Variants in DTNA observed in about 807,000 individuals in gnomAD.
DTNA encodes dystrobrevin alpha, also known as dystrophin-related protein 3.
In DTNA, 43 loss-of-function variants were observed where a neutral mutation model predicts 100.7. That is an observed-to-expected ratio of 0.43 (90% CI 0.33 to 0.55). DTNA has a LOEUF of 0.55. Among genes scored for constraint, DTNA ranks in the 20% least tolerant of loss-of-function variants. The pLI, the probability that DTNA is intolerant of heterozygous loss-of-function variation, is 0.04. For synonymous variants in DTNA, 349 were observed against 347.9 expected, an observed-to-expected ratio of 1.00 and a Z score of -0.04; for missense variants, 798 against 953.9, an observed-to-expected ratio of 0.84 and a Z score of 2.15.
At chr18:34,664,894 T>G (rs934831236) in intron 1 of DTNA, among the ~76,000 whole-genome samples, 1 of 152,030 alleles carries the variant, frequency 6.6e-6, no homozygotes, top group Non-Finnish European at 1.5e-5. Flanking sequence ...ATGTAGGATA[T>G]GGGATCCCTT....
At chr18:34,843,992 C>T (rs1356376213) in intron 13 of DTNA, among the ~76,000 whole-genome samples, 1 of 152,076 alleles carries the variant, frequency 6.6e-6, no homozygotes, top group Admixed American at 6.6e-5. Flanking sequence ...CCTGTTAACA[C>T]GACTCCTTTT....
rs1008012369 is a variant in DTNA at position 34,557,462 on chromosome 18, C to A, written c.-2+63948C>A. Among the ~76,000 whole-genome samples, 11 of 152,168 alleles carry A rather than the reference C, an allele frequency of 7.2e-5. No homozygotes were observed. In the East Asian group the frequency reaches 1.5e-3, roughly 21 times the overall value. Reference sequence around the variant, plus strand: ...AGGCGCTCTGCGTTTCAGAGTTTCCCGTTTTTCTGTTCTGTTTTTTCCCCA... The same window carrying A: ...AGGCGCTCTGCGTTTCAGAGTTTCCAGTTTTTCTGTTCTGTTTTTTCCCCA... On this transcript the variant is annotated intron_variant, in intron 1 of 19. Transcript: ENST00000283365.
intron 1 of DTNA, among the ~76,000 whole-genome samples, chr18:34,545,367 T>G (rs1463614698): frequency 2.6e-5 from 4 of 152,212 alleles, no homozygotes; most frequent in Admixed American, 2.0e-4. Context: ...AAATCCAAGT[T>G]TATATTCCTA....
At chr18:34,862,952 A>G (rs2096648126) in intron 16 of DTNA, among the ~76,000 whole-genome samples, 1 of 152,212 alleles carries the variant, frequency 6.6e-6, no homozygotes, top group Non-Finnish European at 1.5e-5. Context: ...TCATAGTTTC[A>G]TTTAATATGC....
chr18:34,628,067 AG>A (rs2057575723), intron 1 of DTNA, among the ~76,000 whole-genome samples: 1 of 152,206 alleles, frequency 6.6e-6, no homozygotes. Context: ...CTGGGATTAC[AG>A]GCATGAGCCA....
At chr18:34,729,001 G>A (rs528870517) in intron 1 of DTNA, among the ~76,000 whole-genome samples, 4 of 152,098 alleles carry the variant, frequency 2.6e-5, no homozygotes, top group African/African-American at 9.6e-5. Context: ...CTCTATGTCT[G>A]AAGGAAAACA....
intron 15 of DTNA, among the ~76,000 whole-genome samples, chr18:34,854,062 C>T (rs868064568): frequency 7.2e-5 from 11 of 151,984 alleles, no homozygotes; most frequent in African/African-American, 1.9e-4. Flanking sequence ...GCAGAGGGCT[C>T]GAAGCAAACA....
chr18:34,828,938 T>C, intron 10 of DTNA: 1 of 1,307,690 alleles, frequency 7.6e-7, no homozygotes, highest in Non-Finnish European at 1.1e-6. Flanking sequence ...AGACCTGATG[T>C]GATGTTTAGA....
At chr18:34,552,319 G>A (rs1433568574) in intron 1 of DTNA, among the ~76,000 whole-genome samples, 2 of 151,836 alleles carry the variant, frequency 1.3e-5, no homozygotes, top group Non-Finnish European at 2.9e-5. Context: ...CTGAGTTATA[G>A]ATCACTATGT....
Position 34,761,236 on chromosome 18 carries a change from G to A in DTNA, c.68-4725G>A, listed in dbSNP as rs189975283. The stretch of plus-strand genomic sequence containing the variant: ...CATCATAGGCTTCATTTTTATTCTG[G>A]AAATATGTATTGAGCAAAACTTTTA... On this transcript the variant is annotated intron_variant, in intron 2 of 22. Coordinates refer to ENST00000444659, the MANE Select transcript of DTNA (RefSeq NM_001386795.1). Among the ~76,000 whole-genome samples, 434 of 151,884 alleles carry A rather than the reference G, an allele frequency of 2.9e-3. 2 individuals carry two copies. Among genetic ancestry groups the A allele is most frequent in the Middle Eastern group, 0.02 (6 of 294 alleles).
chr18:34,890,259 G>A lies in DTNA; in HGVS notation c.*2525G>A. The A allele has an allele frequency of 6.6e-7, 1 of 1,521,140 alleles. No homozygotes were observed. Among genetic ancestry groups the A allele is most frequent in the Non-Finnish European group, 8.8e-7 (1 of 1,138,054 alleles). 94.2% of individuals were successfully genotyped at this position (1,521,140 alleles called of 1,614,324 possible). A position where few individuals can be genotyped will look rare whatever the true frequency, so the allele number is the denominator to read the frequency against. On this transcript the variant is annotated 3_prime_UTR_variant, in exon 23 of 23. Transcript: ENST00000444659. Reference sequence around the variant, plus strand: ...AAGGACTCTGGAAACTGCCGCCAATGACCAATTTCTGACTAACCAGCCACC... The same window carrying A: ...AAGGACTCTGGAAACTGCCGCCAATAACCAATTTCTGACTAACCAGCCACC...
intron 1 of DTNA, among the ~76,000 whole-genome samples, chr18:34,751,867 C>A (rs1333934854): frequency 1.3e-5 from 2 of 152,128 alleles, no homozygotes; most frequent in African/African-American, 4.8e-5. Flanking sequence ...TTGTATTAAT[C>A]TTTGGGTCTC....
chr18:34,716,378 G>C (rs556525398), intron 1 of DTNA, among the ~76,000 whole-genome samples: 1 of 152,052 alleles, frequency 6.6e-6, no homozygotes, highest in Non-Finnish European at 1.5e-5. Flanking sequence ...CCTGGCCAAC[G>C]TAGTGAAACC....
At chr18:34,672,936 C>T (rs1193327570) in intron 1 of DTNA, among the ~76,000 whole-genome samples, 1 of 152,036 alleles carries the variant, frequency 6.6e-6, no homozygotes, top group East Asian at 1.9e-4. Context: ...ATATTTTCCA[C>T]ATTTCCTAAA....
chr18:34,725,955 G>A lies in DTNA; in HGVS notation c.-2+15510G>A, dbSNP rs146419803. Among the ~76,000 whole-genome samples the A allele has an allele frequency of 2.0e-3, 300 of 152,268 alleles. 1 individual carries two copies. The highest frequency in any genetic ancestry group is 7.0e-3 in the African/African-American group (290 of 41,544). ...GAGTTCATATCCTTTTCGGGGACAT[G>A]TATGAAACTGGAAATCATCATTCTC... On this transcript the variant is annotated intron_variant, in intron 1 of 22. Transcript: ENST00000444659.
intron 3 of DTNA, among the ~76,000 whole-genome samples, chr18:34,766,394 G>A (rs965712131): frequency 5.3e-5 from 8 of 152,080 alleles, no homozygotes; most frequent in African/African-American, 1.9e-4. Context: ...CATCAAAATG[G>A]TTTCCAACAT....
chr18:34,649,579 T>C (rs1447823441), intron 1 of DTNA, among the ~76,000 whole-genome samples: 1 of 152,248 alleles, frequency 6.6e-6, no homozygotes, highest in Non-Finnish European at 1.5e-5. Context: ...TGGATTAAAT[T>C]AAATGCTTAT....
At chr18:34,588,114 AC>A (rs2049322561) in intron 1 of DTNA, among the ~76,000 whole-genome samples, 6 of 152,202 alleles carry the variant, frequency 3.9e-5, no homozygotes, top group African/African-American at 1.4e-4. Context: ...AACAATTGGC[AC>A]CAACTTTTCA....
At chr18:34,828,260 G>A (rs2149553329) in intron 10 of DTNA, among the ~76,000 whole-genome samples, 1 of 152,268 alleles carries the variant, frequency 6.6e-6, no homozygotes. Flanking sequence ...AGAAACAGGA[G>A]AAGCAAATAT....
Sources: gnomAD v4.1 joint callset for allele counts (sites outside exome capture counted in the v4.1 genomes callset) on GRCh38, gnomAD v4.1.1 for gene constraint, MANE v1.5 for transcripts, NCBI Gene and HGNC (gene_info 2026-07-23, HGNC 2026-07-21) for gene names.